Variants in PDXDC1 observed in about 807,000 individuals in gnomAD.
PDXDC1 encodes pyridoxal dependent decarboxylase domain containing 1, also known as pyridoxal-dependent decarboxylase domain-containing protein 1.
PDXDC1 carries 42 observed loss-of-function variants against 100.1 expected under a neutral mutation model. The observed-to-expected ratio is 0.42, with a 90% CI of 0.33 to 0.54. The LOEUF is 0.54. Among genes scored for constraint, PDXDC1 ranks in the 20% least tolerant of loss-of-function variants. The pLI, the probability that PDXDC1 is intolerant of heterozygous loss-of-function variation, is 0.10. For missense variants in PDXDC1, 636 were observed against 979.2 expected, an observed-to-expected ratio of 0.65 and a Z score of 4.68; for synonymous variants, 260 against 371.7, an observed-to-expected ratio of 0.70 and a Z score of 3.46.
chr16:15,034,126 A>G, intron 19 of PDXDC1, 160 bp from the exon 20 acceptor site: 1 of 630,068 alleles, frequency 1.6e-6, no homozygotes, highest in Non-Finnish European at 2.8e-6. Flanking sequence ...TGAGCATGTT[A>G]TCTGCTTGTC....
At chr16:14,997,656 C>T in intron 1 of PDXDC1, 97 bp from the exon 2 acceptor site, 1 of 1,297,476 alleles carries the variant, frequency 7.7e-7, no homozygotes. Flanking sequence ...CACAGTAAAT[C>T]CAGAAGAAAT....
At chr16:15,128,322 A>C (rs142453904) in intron 16 of PDXDC1, 4 of 1,609,688 alleles carry the variant, frequency 2.5e-6, no homozygotes, top group Admixed American at 1.7e-5. Context: ...CTCTGTCGCC[A>C]TCCAGGTGCC....
chr16:15,143,187 C>G (rs1033716866), downstream of PDXDC1, among the ~76,000 whole-genome samples: 1 of 152,136 alleles, frequency 6.6e-6, no homozygotes, highest in Admixed American at 6.5e-5. Flanking sequence ...ACCATCCTAG[C>G]GTGGGACCCA....
At chr16:15,066,929 G>A (rs1000569367) in intron 16 of PDXDC1, among the ~76,000 whole-genome samples, 4 of 151,796 alleles carry the variant, frequency 2.6e-5, no homozygotes, top group Non-Finnish European at 4.4e-5. Context: ...GAGAGCCCCT[G>A]GACCAGATGG....
intron 8 of PDXDC1, 116 bp downstream of exon 8, chr16:15,009,875 C>G: frequency 5.8e-6 from 9 of 1,538,778 alleles, no homozygotes; most frequent in Non-Finnish European, 7.9e-6. Context: ...TTAAGATAGT[C>G]CATATCCACA....
intron 15 of PDXDC1, chr16:15,029,196 G>C (rs2042869651): frequency 1.6e-6 from 1 of 631,698 alleles, no homozygotes; most frequent in Non-Finnish European, 2.8e-6. Flanking sequence ...CCTTGCTGCT[G>C]TATAAGGCTG....
rs770584971 is a variant in PDXDC1, at chr16:15,035,456, G to C, written c.2010G>C (p.Leu670=). The C allele has an allele frequency of 4.0e-5, 64 of 1,604,850 alleles. 2 individuals carry two copies. In the South Asian group the frequency reaches 6.7e-4, roughly 17 times the overall value. The change falls in exon 22 of 23, where the codon CTG becomes CTC. Residue 670 remains leucine, a synonymous_variant. Transcript: ENST00000396410. ...GRTFNLTAGS[L]ESTEPIYVYK... The stretch of plus-strand genomic sequence containing the variant: ...CCCTCTCCTCTCCCGCAGGCTCTCT[G>C]GAGTCCACAGAACCCATATATGTCT...
At chr16:15,055,824 G>C in intron 16 of PDXDC1, 1 of 865,776 alleles carries the variant, frequency 1.2e-6, no homozygotes, top group Non-Finnish European at 1.5e-6. Context: ...CGCGTGAGGG[G>C]GGCGCTAGCC....
At chr16:15,023,112 G>C (rs1283002424) in intron 13 of PDXDC1, among the ~76,000 whole-genome samples, 1 of 152,300 alleles carries the variant, frequency 6.6e-6, no homozygotes, top group Admixed American at 6.5e-5. Flanking sequence ...AAGTCACTTT[G>C]TGCCTCAGAA....
rs758822487 is a variant in PDXDC1 at position 15,035,387 on chromosome 16, G to C, written c.2003-62G>C. 1.3e-4 allele frequency: 110 copies of C among 841,658 alleles called. 3 individuals are homozygous for C. The highest frequency in any genetic ancestry group is 1.9e-4 in the Non-Finnish European group (102 of 539,660). 52.1% of individuals were successfully genotyped at this position (841,658 alleles called of 1,614,324 possible). A position where few individuals can be genotyped will look rare whatever the true frequency, so the allele number is the denominator to read the frequency against. The stretch of plus-strand genomic sequence containing the variant: ...TGGGGAGCAAGGCTGTGTGAGGGCA[G>C]GTGGTGTCTTCAAGGGCAGCCTGTG... On this transcript the variant is annotated intron_variant, in intron 21 of 22. Coordinates refer to ENST00000396410, the MANE Select transcript of PDXDC1 (RefSeq NM_015027.4).
At chr16:15,128,037 T>C in intron 16 of PDXDC1, 2 of 1,601,044 alleles carry the variant, frequency 1.2e-6, no homozygotes, top group South Asian at 1.1e-5. Flanking sequence ...TTGGCCTCCG[T>C]CTCCACCGAA....
intron 16 of PDXDC1, among the ~76,000 whole-genome samples, chr16:15,098,137 T>C (rs1250147147): frequency 1.3e-5 from 2 of 151,432 alleles, no homozygotes; most frequent in Non-Finnish European, 1.5e-5. Context: ...GGTGGAACTG[T>C]TGGGTTGGAG....
rs1489179324 is a variant in PDXDC1, at chr16:15,110,041, C to G, written c.1400-28838C>G. Among the ~76,000 whole-genome samples the G allele has an allele frequency of 1.6e-4, 24 of 148,030 alleles. 1 individual carries two copies. Among genetic ancestry groups the G allele is most frequent in the South Asian group, 4.4e-4 (2 of 4,586 alleles). On this transcript the variant is annotated intron_variant, in intron 16 of 16. Coordinates refer to the PDXDC1 transcript ENST00000535621. ...TGGTGGTGGGCACCTGTAATCCCAG[C>G]TACTTGGGAGGCTGAGGCAGGAGAA... is the stretch of plus-strand genomic sequence containing the variant.
downstream of PDXDC1, among the ~76,000 whole-genome samples, chr16:15,140,725 G>A (rs1212112744): frequency 2.0e-5 from 3 of 152,054 alleles, no homozygotes; most frequent in Non-Finnish European, 4.4e-5. Flanking sequence ...GGGGCAAACC[G>A]AGAACTCCAC....
At chr16:15,068,366 T>C (rs1199754863) in intron 16 of PDXDC1, 4 of 1,462,064 alleles carry the variant, frequency 2.7e-6, no homozygotes, top group Non-Finnish European at 3.6e-6. Flanking sequence ...TATCACACAT[T>C]TAAAAAAAAC....
At chr16:15,049,290 C>A (rs577008309) in intron 16 of PDXDC1, among the ~76,000 whole-genome samples, 3 of 152,010 alleles carry the variant, frequency 2.0e-5, no homozygotes, top group African/African-American at 7.2e-5. Context: ...TGGCCTCCTA[C>A]AGTGCTGGGA....
chr16:15,064,904 C>T (rs1364264007), intron 16 of PDXDC1, among the ~76,000 whole-genome samples: 3 of 152,210 alleles, frequency 2.0e-5, no homozygotes, highest in Non-Finnish European at 4.4e-5. Context: ...CGGTGGCTCA[C>T]GCCTGTAATC....
chr16:15,015,591 C>A (rs1186139447), intron 8 of PDXDC1, among the ~76,000 whole-genome samples: 1 of 152,250 alleles, frequency 6.6e-6, no homozygotes, highest in African/African-American at 2.4e-5. Context: ...GTGGCCACCG[C>A]CTGTAATCCC....
chr16:15,047,926 TA>T, intron 16 of PDXDC1: 1 of 1,612,750 alleles, frequency 6.2e-7, no homozygotes, highest in East Asian at 2.2e-5. Context: ...GGAGCCTGTT[TA>T]AAAAAGAAAT....
Sources: allele counts gnomAD v4.1 joint callset (sites outside exome capture counted in the v4.1 genomes callset), GRCh38; gene constraint gnomAD v4.1.1; transcripts MANE v1.5; gene names NCBI Gene and HGNC (gene_info 2026-07-23, HGNC 2026-07-21).